The following RSU1 variants were observed in gnomAD, a reference collection of about 807,000 sequenced individuals.
RSU1 encodes the protein Ras suppressor protein 1.
RSU1 carries 26 observed loss-of-function variants against 31.1 expected under a neutral mutation model. The ratio of observed to expected loss-of-function variants is 0.84; its 90% CI spans 0.61 to 1.16. RSU1 has a LOEUF of 1.16. RSU1 is among the 50% of genes most tolerant of loss of function. The pLI is 0.00. For missense variants in RSU1, 320 were observed against 339.1 expected (o/e 0.94, Z 0.44); for synonymous variants, 164 against 136.3 (o/e 1.20, Z -1.41).
intron 8 of RSU1, among the ~76,000 whole-genome samples, chr10:16,671,476 T>A (rs1835103260): frequency 6.6e-6 from 1 of 152,098 alleles, no homozygotes; most frequent in African/African-American, 2.4e-5. Context: ...TGAGGCAGGG[T>A]CTTGTTCTGT....
intron 8 of RSU1, among the ~76,000 whole-genome samples, chr10:16,624,281 C>A (rs1338003112): frequency 5.3e-5 from 8 of 152,090 alleles, no homozygotes; most frequent in African/African-American, 1.9e-4. Flanking sequence ...CGACTGAGAG[C>A]TGAAGGGCTG....
chr10:16,787,681 T>G (rs1837822710), intron 2 of RSU1, among the ~76,000 whole-genome samples: 1 of 152,212 alleles, frequency 6.6e-6, no homozygotes, highest in South Asian at 2.1e-4. Context: ...GGAGTTCCCC[T>G]GCACACGCTC....
intron 7 of RSU1, among the ~76,000 whole-genome samples, chr10:16,707,930 T>C (rs1488895806): frequency 6.6e-6 from 1 of 152,196 alleles, no homozygotes; most frequent in Admixed American, 6.6e-5. Context: ...TTCTTTTGCA[T>C]GTTGATATCC....
chr10:16,808,022 CA>C (rs9331745), intron 2 of RSU1, among the ~76,000 whole-genome samples: 40,836 of 116,040 alleles, frequency 0.35, 6,631 homozygotes, highest in East Asian at 0.7. Context: ...GACTCTGTCT[CA>C]AAAAAAAAAA....
intron 7 of RSU1, among the ~76,000 whole-genome samples, chr10:16,751,127 A>G (rs1588511684): frequency 1.3e-5 from 2 of 152,074 alleles, no homozygotes; most frequent in South Asian, 4.1e-4. Flanking sequence ...TCGGCCTCCC[A>G]AAGTGCTGGG....
chr10:16,700,681 C>T (rs1430171737), intron 7 of RSU1, among the ~76,000 whole-genome samples: 1 of 152,190 alleles, frequency 6.6e-6, no homozygotes, highest in Non-Finnish European at 1.5e-5. Context: ...TTTAGGAACA[C>T]ACTTTACTGA....
In RSU1 at chr10:16,731,399, G is replaced by A. The variant is rs1414414804; in HGVS notation, c.598+21140C>T. Among the ~76,000 whole-genome samples, 3 of 147,496 alleles carry A rather than the reference G, an allele frequency of 2.0e-5. No homozygotes were observed. In the East Asian group the frequency reaches 6.0e-4, roughly 29 times the overall value. Reference sequence around the variant, plus strand: ...GAGCCGAGATAGCACCACTGCACTCGAGCCTGGGCGAAAGAGCGACACTCC... The same window carrying A: ...GAGCCGAGATAGCACCACTGCACTCAAGCCTGGGCGAAAGAGCGACACTCC... On this transcript the variant is annotated intron_variant, in intron 7 of 8. Transcript: ENST00000345264.
rs141179210 is a variant in RSU1 at position 16,609,036 on chromosome 10, T to C, written c.732-15540A>G. ...TTTGTAGAGATAGGGCCTTGCTATA[T>C]TGCCCAGGCTAATATAGAACTCCTG... On this transcript the variant is annotated intron_variant, in intron 8 of 8. Coordinates refer to ENST00000345264, the MANE Select transcript of RSU1 (RefSeq NM_012425.4). Among the ~76,000 whole-genome samples the C allele has an allele frequency of 5.1e-3, 767 of 151,326 alleles. 2 individuals carry two copies. Among genetic ancestry groups the C allele is most frequent in the African/African-American group, 0.018 (733 of 40,636 alleles).
chr10:16,692,945 T>G (rs1193253713), intron 8 of RSU1, among the ~76,000 whole-genome samples: 1 of 152,142 alleles, frequency 6.6e-6, no homozygotes, highest in African/African-American at 2.4e-5. Context: ...TTTAGTGTAT[T>G]TCATTTTAAG....
chr10:16,800,126 G>A (rs1355720077), intron 2 of RSU1, among the ~76,000 whole-genome samples: 1 of 152,084 alleles, frequency 6.6e-6, no homozygotes, highest in East Asian at 1.9e-4. Context: ...AAAAATGTGA[G>A]AACTCGCACT....
chr10:16,776,776 T>C (rs893168254), intron 3 of RSU1, among the ~76,000 whole-genome samples: 60 of 150,436 alleles, frequency 4.0e-4, no homozygotes, highest in African/African-American at 1.4e-3. Context: ...ATGACGAATG[T>C]CTAATCCTCA....
chr10:16,733,087 T>C (rs771925338), intron 7 of RSU1, among the ~76,000 whole-genome samples: 5 of 152,126 alleles, frequency 3.3e-5, no homozygotes, highest in Admixed American at 2.0e-4. Context: ...AAATGGACTA[T>C]TAGTATCATC....
chr10:16,766,969 C>T (rs1207944818), intron 3 of RSU1, among the ~76,000 whole-genome samples: 2 of 150,680 alleles, frequency 1.3e-5, no homozygotes, highest in Admixed American at 1.3e-4. Flanking sequence ...TGCAGTGAGC[C>T]GAGATCAAGC....
At chr10:16,724,520 TA>T (rs1836343551) in intron 7 of RSU1, among the ~76,000 whole-genome samples, 1 of 152,136 alleles carries the variant, frequency 6.6e-6, no homozygotes, top group African/African-American at 2.4e-5. Context: ...AGCCATTGGC[TA>T]AAGGGCTAAG....
At chr10:16,793,384 G>C (rs1837966750) in intron 2 of RSU1, among the ~76,000 whole-genome samples, 1 of 152,012 alleles carries the variant, frequency 6.6e-6, no homozygotes, top group Non-Finnish European at 1.5e-5. Context: ...GATGGCCCCT[G>C]TTTCTACACA....
chr10:16,712,116 A>T (rs1836033105), intron 7 of RSU1, among the ~76,000 whole-genome samples: 1 of 152,110 alleles, frequency 6.6e-6, no homozygotes, highest in African/African-American at 2.4e-5. Context: ...TTTTGACTTA[A>T]AATCTGTCTT....
chr10:16,635,376 T>C (rs1437270266), intron 8 of RSU1, among the ~76,000 whole-genome samples: 1 of 152,208 alleles, frequency 6.6e-6, no homozygotes, highest in Non-Finnish European at 1.5e-5. Flanking sequence ...GATAATACTT[T>C]CTCCTCCATC....
chr10:16,727,032 T>TA (rs1437491044), intron 7 of RSU1: 8 of 456,252 alleles, frequency 1.8e-5, no homozygotes, highest in South Asian at 4.6e-5. Context: ...ACAACTTACC[T>TA]GAAGTTAATG....
At chr10:16,768,718 A>G (rs1358329867) in intron 3 of RSU1, among the ~76,000 whole-genome samples, 1 of 152,200 alleles carries the variant, frequency 6.6e-6, no homozygotes, top group East Asian at 1.9e-4. Flanking sequence ...AGGTCCTCCT[A>G]AACTGAAGAA....
Sources: allele counts gnomAD v4.1 joint callset (sites outside exome capture counted in the v4.1 genomes callset), GRCh38; gene constraint gnomAD v4.1.1; transcripts MANE v1.5; gene names NCBI Gene and HGNC (gene_info 2026-07-23, HGNC 2026-07-21).